The following CLEC1A variants were observed in gnomAD, a reference collection of about 807,000 sequenced individuals.
CLEC1A encodes the protein C-type lectin domain family 1 member A, also known as C-type lectin-like receptor-1.
In CLEC1A, 34 loss-of-function variants were observed where a neutral mutation model predicts 28.7. The observed-to-expected ratio is 1.18, with a 90% CI of 0.90 to 1.57. The LOEUF is 1.57. Among genes scored for constraint, CLEC1A ranks in the 40% most tolerant of loss-of-function variants. The probability of loss-of-function intolerance (pLI) is 0.00; values close to 1 mark genes in which losing one functional copy is unlikely to be tolerated. For missense variants in CLEC1A, 385 were observed against 339.5 expected (o/e 1.13, Z -1.05); for synonymous variants, 116 against 121.0 (o/e 0.96, Z 0.27).
In CLEC1A at chr12:10,071,308, G is replaced by T; in HGVS notation, c.*25C>A. On this transcript the variant is annotated 3_prime_UTR_variant, in exon 6 of 6. Transcript: ENST00000315330. The stretch of plus-strand genomic sequence containing the variant: ...GCTTTGGCACCGCCTGGCTCACTCT[G>T]CTATTTGTAGTTGCAGAGGGCGAAT... 6 of 1,605,718 alleles carry T rather than the reference G, an allele frequency of 3.7e-6. No homozygotes were observed. The highest frequency in any genetic ancestry group is 5.1e-6 in the Non-Finnish European group (6 of 1,175,458).
In CLEC1A at chr12:10,081,340, C is replaced by T. The variant is rs147494819; in HGVS notation, c.288G>A (p.Thr96=). 2.7e-5 allele frequency: 44 copies of T among 1,613,170 alleles called. No individual in the cohort carries two copies. The African/African-American group carries it at 3.6e-4, about 13-fold the overall frequency. The change falls in exon 3 of 6, where the codon ACG becomes ACA. Residue 96 remains threonine (T), a synonymous_variant. Transcript: ENST00000315330. ...CTTGAAGAGATTGCAACTCTTGGGACGTATTTCCTAATCTTTCTTCCATTT... is the reference window on the plus strand; with the variant it reads ...CTTGAAGAGATTGCAACTCTTGGGATGTATTTCCTAATCTTTCTTCCATTT... ...ISQMEERLGN[T]SQELQSLQVQ...
intron 1 of CLEC1A, among the ~76,000 whole-genome samples, chr12:10,095,545 A>G (rs1426517251): frequency 1.3e-5 from 2 of 152,186 alleles, no homozygotes; most frequent in African/African-American, 2.4e-5. Flanking sequence ...ATCTTCAAAA[A>G]AAAAGAGAGA....
Position 10,073,427 on chromosome 12 carries a change from A to T in CLEC1A, c.544-16T>A, listed in dbSNP as rs748932356. 1.9e-6 allele frequency: 3 copies of T among 1,591,364 alleles called. No homozygotes were observed. The Admixed American group carries it at 5.0e-5, about 27-fold the overall frequency. On this transcript the variant is annotated splice_polypyrimidine_tract_variant and intron_variant, in intron 4 of 5. Coordinates refer to ENST00000315330, the MANE Select transcript of CLEC1A (RefSeq NM_016511.4). ...CGGCAAATTCCTGTGAAAAGCACAT[A>T]AGAAAAGCTTTAGCTTTGGTGGCAT...
Position 10,081,325 on chromosome 12 carries a change from T to G in CLEC1A, c.303A>C (p.Gln101His). The G allele has an allele frequency of 6.2e-7, 1 of 1,613,484 alleles. No individual in the cohort carries two copies. The change falls in exon 3 of 6, where the codon CAA becomes CAC. Residue 101 changes from glutamine to histidine, a missense_variant. Transcript: ENST00000315330. ...ERLGNTSQEL[Q>H]SLQVQNIKLA... ...GCTTTATATTCTGGACTTGAAGAGA[T>G]TGCAACTCTTGGGACGTATTTCCTA...
intron 3 of CLEC1A, among the ~76,000 whole-genome samples, chr12:10,077,992 G>A (rs999154222): frequency 1.3e-5 from 2 of 152,070 alleles, no homozygotes; most frequent in Non-Finnish European, 2.9e-5. Context: ...TTCTGGAGCT[G>A]TTTTTGAATC....
intron 3 of CLEC1A, among the ~76,000 whole-genome samples, chr12:10,079,162 G>A (rs1431224775): frequency 6.6e-6 from 1 of 152,184 alleles, no homozygotes; most frequent in East Asian, 1.9e-4. Context: ...AGTGGTCCAT[G>A]AGAGTAGACA....
At position 10,085,490 on chromosome 12, in the gene CLEC1A, G is replaced by A. The variant is rs141934197; in HGVS notation, c.214+3634C>T. Among the ~76,000 whole-genome samples, 120 of 146,874 alleles carry A rather than the reference G, an allele frequency of 8.2e-4. 4 individuals are homozygous for A. Among genetic ancestry groups the A allele is most frequent in the Admixed American group, 6.3e-3 (92 of 14,504 alleles). ...AAATGGAAAACAAAAATGAGCCGGA[G>A]TAGCTATTCTTTTATCAGACAAAAC... is the stretch of plus-strand genomic sequence containing the variant. On this transcript the variant is annotated intron_variant, in intron 2 of 5. Coordinates refer to ENST00000315330, the MANE Select transcript of CLEC1A (RefSeq NM_016511.4).
chr12:10,070,750 G>A lies in CLEC1A; in HGVS notation c.*583C>T, dbSNP rs1010089586. ...TGGACACAGGAAGGAATGCTTATAA[G>A]GCATTGAGATTTGAGATTCTCATAT... On this transcript the variant is annotated 3_prime_UTR_variant, in exon 6 of 6. Coordinates refer to ENST00000315330, the MANE Select transcript of CLEC1A (RefSeq NM_016511.4). 1.3e-5 allele frequency: 2 copies of A among 152,228 alleles called. No individual in the cohort carries two copies. Among genetic ancestry groups the A allele is most frequent in the Non-Finnish European group, 2.9e-5 (2 of 68,054 alleles). The allele number at this position is 152,228 out of a possible 1,614,324, so 9.4% of individuals were successfully genotyped here. A position where few individuals can be genotyped will look rare whatever the true frequency, so the allele number is the denominator to read the frequency against.
rs572368450 is a variant in CLEC1A at position 10,075,796 on chromosome 12, C to T, written c.392-141G>A. ...TTAATTACCCAGGCAATGATAACTACAATGTTTACTGGATACCTACTAACT... is the reference window on the plus strand; with the variant it reads ...TTAATTACCCAGGCAATGATAACTATAATGTTTACTGGATACCTACTAACT... On this transcript the variant is annotated intron_variant, in intron 3 of 5. Coordinates refer to ENST00000315330, the MANE Select transcript of CLEC1A (RefSeq NM_016511.4). 8.6e-6 allele frequency: 6 copies of T among 701,504 alleles called. No individual in the cohort carries two copies. The South Asian group carries it at 1.1e-4, about 13-fold the overall frequency. The allele number at this position is 701,504 out of a possible 1,614,324, so 43.5% of individuals were successfully genotyped here. A position where few individuals can be genotyped will look rare whatever the true frequency, so the allele number is the denominator to read the frequency against.
chr12:10,080,091 C>T (rs986057709), intron 3 of CLEC1A, among the ~76,000 whole-genome samples: 14 of 152,188 alleles, frequency 9.2e-5, no homozygotes, highest in African/African-American at 2.9e-4. Flanking sequence ...GGGGGAACAC[C>T]TGAGGTTGGG....
At position 10,071,080 on chromosome 12, in the gene CLEC1A, A is replaced by G; in HGVS notation, c.*253T>C. ...GAGAGCTAAAAGTTATCTCTAAGCCAAGAAGGCAGATGACATTATGGGTTT... is the reference window on the plus strand; with the variant it reads ...GAGAGCTAAAAGTTATCTCTAAGCCGAGAAGGCAGATGACATTATGGGTTT... On this transcript the variant is annotated 3_prime_UTR_variant, in exon 6 of 6. Transcript: ENST00000315330. 3.2e-6 allele frequency: 1 copy of G among 317,218 alleles called. No individual in the cohort carries two copies. The highest frequency in any genetic ancestry group is 5.4e-5 in the East Asian group (1 of 18,360). The allele number at this position is 317,218 out of a possible 1,614,324, so 19.7% of individuals were successfully genotyped here.
chr12:10,094,271 C>A (rs1365553207), intron 1 of CLEC1A, among the ~76,000 whole-genome samples: 1 of 152,022 alleles, frequency 6.6e-6, no homozygotes, highest in South Asian at 2.1e-4. Context: ...TCTAGCCTCA[C>A]AAACACCCCC....
At position 10,081,400 on chromosome 12, in the gene CLEC1A, G is replaced by T. The variant is rs1029527164; in HGVS notation, c.228C>A (p.Tyr76Ter). The change falls in exon 3 of 6, where the codon TAC becomes TAA. Residue 76 changes from tyrosine to a stop codon, truncating the protein, a stop_gained. Coordinates refer to ENST00000315330, the MANE Select transcript of CLEC1A (RefSeq NM_016511.4). LOFTEE classifies it high-confidence loss of function. ...AALGLLFFQY[Y>*]QLSNTGQDTI... The stretch of plus-strand genomic sequence containing the variant: ...TGTCTTGACCAGTATTGGAGAGCTG[G>T]TAGTACTGAAAAACTAACCCAAATG... The T allele has an allele frequency of 6.3e-7, 1 of 1,595,798 alleles. No individual in the cohort carries two copies. The highest frequency in any genetic ancestry group is 1.1e-5 in the South Asian group (1 of 88,242).
In CLEC1A at chr12:10,089,339, G is replaced by A; in HGVS notation, c.116-117C>T. On this transcript the variant is annotated intron_variant, in intron 1 of 5. Transcript: ENST00000315330. ...CAAGAACAAATTAGGCTGGACAACG[G>A]TAACAGGGGCTGGATAACCTGCTTT... The A allele has an allele frequency of 1.0e-5, 8 of 764,492 alleles. No individual in the cohort carries two copies. The South Asian group carries it at 1.3e-4, about 13-fold the overall frequency. The allele number at this position is 764,492 out of a possible 1,614,324, so 47.4% of individuals were successfully genotyped here.
intron 1 of CLEC1A, among the ~76,000 whole-genome samples, chr12:10,091,251 A>G (rs1740651561): frequency 2.6e-5 from 4 of 152,320 alleles, no homozygotes; most frequent in African/African-American, 9.6e-5. Flanking sequence ...CACTACTGAA[A>G]GTAGTGCCTG....
intron 4 of CLEC1A, among the ~76,000 whole-genome samples, 156 bp downstream of exon 4, chr12:10,075,348 G>C (rs1041584433): frequency 2.0e-5 from 3 of 152,154 alleles, no homozygotes; most frequent in Non-Finnish European, 4.4e-5. Context: ...TACTTCAGGG[G>C]ACCGTTCAAA....
intron 2 of CLEC1A, among the ~76,000 whole-genome samples, chr12:10,081,909 C>A (rs74856274): frequency 6.6e-6 from 1 of 152,018 alleles, no homozygotes; most frequent in African/African-American, 2.4e-5. Context: ...TTAACCTCAC[C>A]TGGAGCAGAA....
chr12:10,071,723 T>C (rs1866139726), intron 5 of CLEC1A, among the ~76,000 whole-genome samples: 1 of 152,200 alleles, frequency 6.6e-6, no homozygotes, highest in Non-Finnish European at 1.5e-5. Flanking sequence ...GCAAAAACCA[T>C]TTCTAACTAA....
chr12:10,075,421 T>C, intron 4 of CLEC1A, 83 bp downstream of exon 4: 6 of 1,446,200 alleles, frequency 4.1e-6, no homozygotes, highest in Non-Finnish European at 4.8e-6. Flanking sequence ...ACCGATATTC[T>C]TGATCCTTAG....
Sources: allele counts gnomAD v4.1 joint callset (sites outside exome capture counted in the v4.1 genomes callset), GRCh38; gene constraint gnomAD v4.1.1; transcripts MANE v1.5; gene names NCBI Gene and HGNC (gene_info 2026-07-23, HGNC 2026-07-21).